PARD3B: variants seen among roughly 807,000 people sequenced by gnomAD.
The protein encoded by PARD3B is par-3 family cell polarity regulator beta, also known as partitioning defective 3 homolog B.
Under a neutral mutation model 130.2 loss-of-function variants are expected in PARD3B, and 103 were observed. The observed-to-expected ratio is 0.79, with a 90% CI of 0.67 to 0.93. The LOEUF (loss-of-function observed/expected upper bound fraction) is 0.93, where lower values mean the gene tolerates loss of function less well. Ranked by LOEUF, PARD3B falls within the 40% of genes least tolerant of loss-of-function variation. The probability of loss-of-function intolerance (pLI) is 0.00; values close to 1 mark genes in which losing one functional copy is unlikely to be tolerated. For synonymous variants in PARD3B, 583 were observed against 553.2 expected (o/e 1.05, Z -0.76); for missense variants, 1,609 against 1,499.2 (o/e 1.07, Z -1.21).
intron 4 of PARD3B, among the ~76,000 whole-genome samples, chr2:205,051,427 T>C (rs978034193): frequency 2.6e-5 from 4 of 152,328 alleles, no homozygotes; most frequent in Admixed American, 1.3e-4. Context: ...AATTCACAGA[T>C]GGCAGAGCCC....
intron 1 of PARD3B, among the ~76,000 whole-genome samples, chr2:204,620,931 G>A (rs1343621715): frequency 1.3e-5 from 2 of 152,162 alleles, no homozygotes; most frequent in African/African-American, 4.8e-5. Context: ...TACACTTATA[G>A]CAAGTTACAG....
chr2:205,057,497 A>G (rs185350319), intron 4 of PARD3B, among the ~76,000 whole-genome samples: 1 of 144,772 alleles, frequency 6.9e-6, no homozygotes, highest in Admixed American at 7.0e-5. Flanking sequence ...GTATATGTAT[A>G]TATACATATA....
chr2:205,080,581 T>A (rs560094539), intron 4 of PARD3B, among the ~76,000 whole-genome samples: 1 of 152,308 alleles, frequency 6.6e-6, no homozygotes, highest in East Asian at 1.9e-4. Context: ...TCTTGATGAA[T>A]ATTTGAATTA....
At chr2:204,982,139 C>T (rs1298209875) in intron 3 of PARD3B, among the ~76,000 whole-genome samples, 2 of 152,068 alleles carry the variant, frequency 1.3e-5, no homozygotes, top group Non-Finnish European at 2.9e-5. Context: ...CTTCCTTCTG[C>T]AAGGTTTGAA....
chr2:204,964,535 C>T (rs1225754305), intron 2 of PARD3B, among the ~76,000 whole-genome samples: 1 of 151,976 alleles, frequency 6.6e-6, no homozygotes, highest in Non-Finnish European at 1.5e-5. Context: ...GGACTTAAAC[C>T]AGTCAACACA....
intron 2 of PARD3B, among the ~76,000 whole-genome samples, chr2:204,904,188 G>C (rs1465302682): frequency 6.6e-6 from 1 of 151,962 alleles, no homozygotes; most frequent in African/African-American, 2.4e-5. Context: ...ACTTTCCTTT[G>C]TTAAACCATT....
chr2:205,553,176 T>C (rs12466943), intron 21 of PARD3B, 148 bp from the exon 22 acceptor site: 3 of 648,602 alleles, frequency 4.6e-6, no homozygotes, highest in South Asian at 2.1e-5. Flanking sequence ...TCAATTCCTA[T>C]AGCAATGTGG....
intron 18 of PARD3B, among the ~76,000 whole-genome samples, chr2:205,332,000 G>A (rs2043152800): frequency 6.6e-6 from 1 of 151,942 alleles, no homozygotes; most frequent in Non-Finnish European, 1.5e-5. Flanking sequence ...AGCTACTCGG[G>A]AAACCGAGGC....
In PARD3B at chr2:204,678,424, C is replaced by G. The variant is rs1358418431; in HGVS notation, c.121-7757C>G. Among the ~76,000 whole-genome samples, 1 of 152,132 alleles carries G rather than the reference C, an allele frequency of 6.6e-6. No individual in the cohort carries two copies. The highest frequency in any genetic ancestry group is 1.9e-4 in the East Asian group (1 of 5,188). On this transcript the variant is annotated intron_variant, in intron 1 of 22. Transcript: ENST00000406610. This position sits in a 1 kb window ranked among gnomAD's most constrained non-coding sequence, Gnocchi z 4.2. The stretch of plus-strand genomic sequence containing the variant: ...TCTTGGTACCCGGGTTCTTGTCTGG[C>G]ATCCAGGAAGAATCAGGTCACACGG...
intron 20 of PARD3B, among the ~76,000 whole-genome samples, chr2:205,496,779 G>T (rs1284034847): frequency 2.0e-5 from 3 of 151,658 alleles, no homozygotes; most frequent in African/African-American, 4.8e-5. Flanking sequence ...TGGAAGAAAA[G>T]TGTGTTCTTA....
At chr2:205,340,655 C>T (rs1435408719) in intron 18 of PARD3B, among the ~76,000 whole-genome samples, 1 of 151,996 alleles carries the variant, frequency 6.6e-6, no homozygotes, top group African/African-American at 2.4e-5. Flanking sequence ...CTTGAGGAAA[C>T]CAGGGGAAAC....
chr2:204,896,752 G>T (rs2046655584), intron 2 of PARD3B, among the ~76,000 whole-genome samples: 1 of 152,086 alleles, frequency 6.6e-6, no homozygotes, highest in African/African-American at 2.4e-5. Context: ...ATTTAGCTAG[G>T]TCCAGTACAC....
intron 22 of PARD3B, among the ~76,000 whole-genome samples, chr2:205,611,517 A>G (rs1001701418): frequency 2.0e-5 from 3 of 152,176 alleles, no homozygotes; most frequent in Non-Finnish European, 4.4e-5. Flanking sequence ...TGTAAATAAC[A>G]TATATCTTTG....
In PARD3B at chr2:204,965,257, G is replaced by A. The variant is rs368769074; in HGVS notation, c.328G>A (p.Ala110Thr). 32 of 1,613,702 alleles carry A rather than the reference G, an allele frequency of 2.0e-5. No homozygotes were observed. Among genetic ancestry groups the A allele is most frequent in the Non-Finnish European group, 2.5e-5 (30 of 1,179,888 alleles). Residue 110 changes from alanine to threonine, a missense_variant, in exon 3 of 23, where the codon GCC (alanine) becomes ACC (threonine). By Grantham distance (58) the Ala-to-Thr change is moderately conservative. Transcript: ENST00000406610. ...AGATGCTTTTGAGACAGAAGTGGCC[G>A]CCCAACTGGCCGCATTTAAGCCAAT... ...SPDAFETEVA[A>T]QLAAFKPIGG...
At chr2:205,203,502 A>G (rs2037104692) in intron 15 of PARD3B, among the ~76,000 whole-genome samples, 1 of 151,526 alleles carries the variant, frequency 6.6e-6, no homozygotes, top group East Asian at 1.9e-4. Context: ...TGTGGAGAAC[A>G]TGCAGGTTTG....
chr2:205,471,970 C>A (rs1483951440), intron 20 of PARD3B, among the ~76,000 whole-genome samples: 1 of 152,146 alleles, frequency 6.6e-6, no homozygotes, highest in Non-Finnish European at 1.5e-5. Flanking sequence ...GCTTACCACT[C>A]AGCTTACTTA....
At chr2:205,007,404 T>C (rs972359415) in intron 3 of PARD3B, among the ~76,000 whole-genome samples, 3 of 152,188 alleles carry the variant, frequency 2.0e-5, no homozygotes, top group African/African-American at 7.2e-5. Context: ...TTCTTCTACA[T>C]GTGGCTTGCC....
intron 2 of PARD3B, among the ~76,000 whole-genome samples, chr2:204,922,555 C>T (rs1288052570): frequency 6.6e-6 from 1 of 151,876 alleles, no homozygotes; most frequent in Non-Finnish European, 1.5e-5. Flanking sequence ...GGTTGAGGAG[C>T]AAATCAGTGT....
chr2:205,163,531 TAGTAATGGGC>T (rs1423840131), intron 11 of PARD3B, among the ~76,000 whole-genome samples: 1 of 152,218 alleles, frequency 6.6e-6, no homozygotes, highest in Non-Finnish European at 1.5e-5. Context: ...CTGCACTGTT[TAGTAATGGGC>T]AAAAGAAAGA....
Sources: gnomAD v4.1 joint callset for allele counts (sites outside exome capture counted in the v4.1 genomes callset) on GRCh38, gnomAD v4.1.1 for gene constraint, Gnocchi (gnomAD v3.1) non-coding constraint, MANE v1.5 for transcripts, NCBI Gene and HGNC (gene_info 2026-07-23, HGNC 2026-07-21) for gene names.